CACNA1D: variants seen among roughly 807,000 people sequenced by gnomAD.
CACNA1D encodes the protein calcium voltage-gated channel subunit alpha1 D, also known as voltage-dependent L-type calcium channel subunit alpha-1D.
CACNA1D carries 55 observed loss-of-function variants against 257.1 expected under a neutral mutation model. The observed-to-expected ratio is 0.21, with a 90% CI of 0.17 to 0.27. CACNA1D has a LOEUF of 0.27. Ranked by LOEUF, CACNA1D falls within the 10% of genes least tolerant of loss-of-function variation. The pLI, the probability that CACNA1D is intolerant of heterozygous loss-of-function variation, is 1.00. For missense variants in CACNA1D, 1,876 were observed against 2,784.0 expected (o/e 0.67, Z 7.34); for synonymous variants, 980 against 1,014.9 (o/e 0.97, Z 0.65).
intron 8 of CACNA1D, among the ~76,000 whole-genome samples, chr3:53,700,495 A>G (rs2094612963): frequency 6.6e-6 from 1 of 152,172 alleles, no homozygotes. Context: ...GAGTTCAGAG[A>G]ATCATTTGGT....
intron 8 of CACNA1D, among the ~76,000 whole-genome samples, chr3:53,683,591 G>A (rs1448805953): frequency 2.0e-5 from 3 of 152,260 alleles, no homozygotes; most frequent in Admixed American, 6.5e-5. Context: ...GGGAAAAGTC[G>A]ATAGAAACAA....
intron 3 of CACNA1D, among the ~76,000 whole-genome samples, chr3:53,650,542 G>A (rs979960725): frequency 9.9e-5 from 15 of 152,264 alleles, no homozygotes; most frequent in African/African-American, 3.1e-4. Flanking sequence ...ATGCAGTCAT[G>A]CAGCCTGGAA....
intron 10 of CACNA1D, chr3:53,718,665 C>T (rs2094847813): frequency 1.3e-6 from 2 of 1,551,974 alleles, no homozygotes; most frequent in Admixed American, 2.0e-5. Flanking sequence ...AACCTGGCCA[C>T]CTGCTGTGTC....
chr3:53,589,790 C>G (rs1250124021), intron 3 of CACNA1D, among the ~76,000 whole-genome samples: 3 of 152,106 alleles, frequency 2.0e-5, no homozygotes, highest in African/African-American at 7.2e-5. Context: ...TTGGCAAAAC[C>G]ATATGGATGT....
rs376208208 is a variant in CACNA1D, at chr3:53,555,344, A to AG, written c.483+53627dup. 1.1e-3 allele frequency among the ~76,000 whole-genome samples: 166 copies of AG among 152,018 alleles called. 1 individual carries two copies. Among genetic ancestry groups the AG allele is most frequent in the African/African-American group, 3.9e-3 (163 of 41,448 alleles). ...ACAGTCGTATAACAAGATGCAGGAT[A>AG]GGGCTTTGCCCGTGGAGTTCAGTGT... On this transcript the variant is annotated intron_variant, in intron 3 of 47. Transcript: ENST00000350061.
intron 29 of CACNA1D, among the ~76,000 whole-genome samples, chr3:53,759,441 G>A (rs1020676522): frequency 7.9e-5 from 12 of 152,210 alleles, no homozygotes; most frequent in African/African-American, 2.4e-4. Context: ...GGAGAGAAGC[G>A]GCGCACACGG....
Position 53,735,338 on chromosome 3 carries a change from C to A in CACNA1D, c.2622-36C>A, listed in dbSNP as rs543378127. Reference sequence around the variant, plus strand: ...AAGGACCCAGTGTGTTCCACCCTATCTGGGACTGTTTCCAAGCAGCGGCTT... The same window carrying A: ...AAGGACCCAGTGTGTTCCACCCTATATGGGACTGTTTCCAAGCAGCGGCTT... On this transcript the variant is annotated intron_variant, in intron 19 of 47. Coordinates refer to ENST00000350061, the MANE Select transcript of CACNA1D (RefSeq NM_001128840.3). The A allele has an allele frequency of 1.1e-5, 17 of 1,609,162 alleles. No homozygotes were observed. In the South Asian group the frequency reaches 1.8e-4, roughly 17 times the overall value.
intron 3 of CACNA1D, among the ~76,000 whole-genome samples, chr3:53,554,989 A>G (rs1009840665): frequency 1.3e-5 from 2 of 152,242 alleles, no homozygotes; most frequent in African/African-American, 4.8e-5. Flanking sequence ...TGCATTGTGA[A>G]TGATAATATC....
intron 26 of CACNA1D, chr3:53,748,954 C>T (rs2095198752): frequency 8.7e-6 from 4 of 460,016 alleles, no homozygotes; most frequent in Non-Finnish European, 1.6e-5. Context: ...TTCACTTCCT[C>T]CAGTGTCTTA....
intron 8 of CACNA1D, among the ~76,000 whole-genome samples, chr3:53,697,859 T>A (rs1210007355): frequency 6.6e-6 from 1 of 152,172 alleles, no homozygotes. Context: ...TTTGTTTTTG[T>A]TTTTTGAGCA....
At chr3:53,675,271 C>A (rs746854526) in intron 8 of CACNA1D, among the ~76,000 whole-genome samples, 5 of 152,234 alleles carry the variant, frequency 3.3e-5, no homozygotes, top group African/African-American at 4.8e-5. Context: ...CCTTCCACCT[C>A]AACGTGAGAA....
At chr3:53,615,605 A>G (rs1309060601) in intron 3 of CACNA1D, among the ~76,000 whole-genome samples, 1 of 152,204 alleles carries the variant, frequency 6.6e-6, no homozygotes, top group Non-Finnish European at 1.5e-5. Flanking sequence ...TGAGACAGGA[A>G]TGAAATATTC....
At chr3:53,536,773 C>T (rs984394738) in intron 3 of CACNA1D, among the ~76,000 whole-genome samples, 3 of 152,232 alleles carry the variant, frequency 2.0e-5, no homozygotes, top group Admixed American at 1.3e-4. Context: ...CATCCATTTA[C>T]GTATTATCTA....
At chr3:53,606,110 C>T (rs543420238) in intron 3 of CACNA1D, among the ~76,000 whole-genome samples, 1 of 152,214 alleles carries the variant, frequency 6.6e-6, no homozygotes, top group South Asian at 2.1e-4. Context: ...ACAGACTGGA[C>T]CCAATAATAG....
intron 8 of CACNA1D, among the ~76,000 whole-genome samples, chr3:53,691,841 C>CATATATAATATATAATATATATTAT (rs2094528352): frequency 1.1e-5 from 1 of 87,706 alleles, no homozygotes; most frequent in African/African-American, 4.3e-5. Flanking sequence ...ATATATATTA[C>CATATATAATATATAATATATATTAT]ATATATAATA....
intron 8 of CACNA1D, among the ~76,000 whole-genome samples, chr3:53,697,498 T>C (rs1248821820): frequency 6.6e-6 from 1 of 151,924 alleles, no homozygotes; most frequent in Non-Finnish European, 1.5e-5. Flanking sequence ...GAAATGAATA[T>C]GTAATAGCAT....
intron 3 of CACNA1D, among the ~76,000 whole-genome samples, chr3:53,617,097 A>T (rs536653421): frequency 6.6e-6 from 1 of 152,134 alleles, no homozygotes; most frequent in East Asian, 1.9e-4. Context: ...AGTCCTGCCG[A>T]TCCCCTGAGG....
chr3:53,765,766 A>G (rs2095328615), intron 30 of CACNA1D: 2 of 152,226 alleles, frequency 1.3e-5, no homozygotes, highest in South Asian at 4.1e-4. Flanking sequence ...CGTTTTGGGT[A>G]GTCCTTTGCA....
At chr3:53,773,880 C>T (rs576432897) in intron 33 of CACNA1D, 3 of 152,546 alleles carry the variant, frequency 2.0e-5, no homozygotes, top group Admixed American at 6.5e-5. Flanking sequence ...CACACAACCC[C>T]AGATTCACCC....
Sources: allele counts gnomAD v4.1 joint callset (sites outside exome capture counted in the v4.1 genomes callset), GRCh38; gene constraint gnomAD v4.1.1; transcripts MANE v1.5; gene names NCBI Gene and HGNC (gene_info 2026-07-23, HGNC 2026-07-21).